Variants in UNC5C observed in about 807,000 individuals in gnomAD.
UNC5C encodes the protein unc-5 netrin receptor C.
A neutral mutation model predicts 99.8 loss-of-function variants in UNC5C; 47 were observed. The ratio of observed to expected loss-of-function variants is 0.47; its 90% CI spans 0.37 to 0.60. The LOEUF (loss-of-function observed/expected upper bound fraction) is 0.60. Ranked by LOEUF, UNC5C falls within the 20% of genes least tolerant of loss-of-function variation. UNC5C has a pLI of 0.00. For missense variants in UNC5C, 1,062 were observed against 1,165.9 expected (o/e 0.91, Z 1.30); for synonymous variants, 487 against 452.2 (o/e 1.08, Z -0.98).
intron 2 of UNC5C, among the ~76,000 whole-genome samples, chr4:95,305,647 C>T (rs1008666031): frequency 6.6e-5 from 10 of 152,100 alleles, no homozygotes; most frequent in African/African-American, 2.4e-4. Context: ...ATGCTGCTTC[C>T]TTTAATAGTG....
intron 1 of UNC5C, among the ~76,000 whole-genome samples, chr4:95,534,624 A>C (rs886989664): frequency 6.6e-6 from 1 of 152,154 alleles, no homozygotes; most frequent in South Asian, 2.1e-4. Context: ...TATTTTTTCC[A>C]TTCCCTTCTC....
chr4:95,543,497 T>A (rs916638086), intron 1 of UNC5C, among the ~76,000 whole-genome samples: 2 of 152,228 alleles, frequency 1.3e-5, no homozygotes, highest in Non-Finnish European at 2.9e-5. Flanking sequence ...AAATGAAAGT[T>A]CTGGTGAATT....
chr4:95,249,950 A>G (rs1257855628), intron 5 of UNC5C, among the ~76,000 whole-genome samples: 2 of 152,162 alleles, frequency 1.3e-5, no homozygotes, highest in African/African-American at 2.4e-5. Flanking sequence ...TGCAATGATA[A>G]GACTGAGGTG....
At chr4:95,540,896 G>A (rs1038685434) in intron 1 of UNC5C, among the ~76,000 whole-genome samples, 12 of 152,038 alleles carry the variant, frequency 7.9e-5, no homozygotes, top group African/African-American at 2.9e-4. Flanking sequence ...TAATAACATA[G>A]TGCTCTTTTC....
At chr4:95,256,787 G>A (rs1740013051) in intron 4 of UNC5C, among the ~76,000 whole-genome samples, 1 of 149,560 alleles carries the variant, frequency 6.7e-6, no homozygotes, top group East Asian at 2.0e-4. Context: ...AAGCTAAGGA[G>A]CAAGGAGAGC....
chr4:95,418,011 G>T lies in UNC5C; in HGVS notation c.125-82380C>A, dbSNP rs544969087. ...TACTGATATATTAAGGCAATTAATG[G>T]TCTCAAGAAGTGATTAGAAACTTTA... On this transcript the variant is annotated intron_variant, in intron 1 of 15. Coordinates refer to ENST00000453304, the MANE Select transcript of UNC5C (RefSeq NM_003728.4). Among the ~76,000 whole-genome samples the T allele has an allele frequency of 5.3e-5, 8 of 152,236 alleles. No homozygotes were observed. The South Asian group carries it at 1.2e-3, about 24-fold the overall frequency.
intron 1 of UNC5C, among the ~76,000 whole-genome samples, chr4:95,421,773 G>A (rs1746327161): frequency 6.6e-6 from 1 of 152,044 alleles, no homozygotes; most frequent in South Asian, 2.1e-4. Flanking sequence ...CTGTGTTTTT[G>A]AGAGCACTCA....
intron 1 of UNC5C, among the ~76,000 whole-genome samples, chr4:95,418,239 T>C (rs1474351354): frequency 6.6e-6 from 1 of 152,244 alleles, no homozygotes; most frequent in African/African-American, 2.4e-5. Flanking sequence ...TAGTGAATAA[T>C]TTACATTTCA....
chr4:95,364,830 A>G (rs1560805642), intron 1 of UNC5C, among the ~76,000 whole-genome samples: 1 of 152,018 alleles, frequency 6.6e-6, no homozygotes, highest in Non-Finnish European at 1.5e-5. Context: ...TCATTGCCTT[A>G]TTTTTCTGCC....
intron 3 of UNC5C, among the ~76,000 whole-genome samples, chr4:95,291,070 A>G (rs1741425690): frequency 6.6e-6 from 1 of 152,158 alleles, no homozygotes; most frequent in Non-Finnish European, 1.5e-5. Context: ...GGACAAACAC[A>G]TTTGTATTCA....
chr4:95,206,966 T>C (rs1446040425), intron 10 of UNC5C, among the ~76,000 whole-genome samples, 170 bp from the exon 11 acceptor site: 1 of 151,046 alleles, frequency 6.6e-6, no homozygotes, highest in Non-Finnish European at 1.5e-5. Flanking sequence ...TTAAATGCTC[T>C]CTATACCAAG....
chr4:95,223,945 A>G (rs1313547551), intron 7 of UNC5C, among the ~76,000 whole-genome samples: 4 of 152,178 alleles, frequency 2.6e-5, no homozygotes, highest in Non-Finnish European at 5.9e-5. Context: ...TATAAAAGGC[A>G]TGTTTACAAA....
intron 1 of UNC5C, among the ~76,000 whole-genome samples, chr4:95,376,349 G>T (rs1744895483): frequency 6.6e-6 from 1 of 151,872 alleles, no homozygotes; most frequent in South Asian, 2.1e-4. Flanking sequence ...TAAGAAGCAG[G>T]TTATATGATA....
At chr4:95,190,899 A>G (rs1369333794) in intron 12 of UNC5C, among the ~76,000 whole-genome samples, 1 of 152,190 alleles carries the variant, frequency 6.6e-6, no homozygotes, top group Non-Finnish European at 1.5e-5. Flanking sequence ...GATTGCTCCA[A>G]AGGCAGGACA....
chr4:95,408,089 T>G (rs920719719), intron 1 of UNC5C, among the ~76,000 whole-genome samples: 1 of 152,180 alleles, frequency 6.6e-6, no homozygotes, highest in African/African-American at 2.4e-5. Flanking sequence ...ATTAAAGTAA[T>G]TCCATTATGT....
chr4:95,288,089 T>C (rs1346677274), intron 3 of UNC5C, among the ~76,000 whole-genome samples: 1 of 151,440 alleles, frequency 6.6e-6, no homozygotes, highest in Non-Finnish European at 1.5e-5. Context: ...TTTATTTATT[T>C]ATTTATTTTT....
At chr4:95,245,838 G>A (rs17430569) in intron 5 of UNC5C, among the ~76,000 whole-genome samples, 15,845 of 152,218 alleles carry the variant, frequency 0.1, 1,134 homozygotes, top group Non-Finnish European at 0.16. Context: ...CAGTTCTGCA[G>A]ACCTCTCTTT....
Position 95,245,140 on chromosome 4 carries a change from G to C in UNC5C, c.780C>G (p.Asn260Lys). 6.2e-7 allele frequency: 1 copy of C among 1,610,048 alleles called. No individual in the cohort carries two copies. The highest frequency in any genetic ancestry group is 1.1e-5 in the South Asian group (1 of 90,144). Reference sequence around the variant, plus strand: ...ACTCCGTCCAGGTGGACCAGCCACCGTTGACTGAAAGGAGGCAAACAGTAA... The same window carrying C: ...ACTCCGTCCAGGTGGACCAGCCACCCTTGACTGAAAGGAGGCAAACAGTAA... Reference protein sequence around the residue: ...STTATVIVYVNGGWSTWTEWS... With the variant: ...STTATVIVYVKGGWSTWTEWS... Residue 260 changes from asparagine to lysine, a missense_variant, in exon 6 of 16, where the codon AAC becomes AAG. Asn to Lys is a moderately conservative substitution (Grantham distance 94). Coordinates refer to ENST00000453304, the MANE Select transcript of UNC5C (RefSeq NM_003728.4).
intron 1 of UNC5C, among the ~76,000 whole-genome samples, chr4:95,390,631 G>A (rs1579377946): frequency 6.6e-6 from 1 of 152,122 alleles, no homozygotes. Context: ...TAGTTCTAAA[G>A]TTGGTGATTC....
Sources: allele counts gnomAD v4.1 joint callset (sites outside exome capture counted in the v4.1 genomes callset), GRCh38; gene constraint gnomAD v4.1.1; transcripts MANE v1.5; gene names NCBI Gene and HGNC (gene_info 2026-07-23, HGNC 2026-07-21).